CKAP5: variants seen among roughly 807,000 people sequenced by gnomAD.
CKAP5 encodes cytoskeleton-associated protein 5.
CKAP5 carries 27 observed loss-of-function variants against 232.8 expected under a neutral mutation model. The ratio of observed to expected loss-of-function variants is 0.12; its 90% confidence interval spans 0.09 to 0.16. The LOEUF (loss-of-function observed/expected upper bound fraction) is 0.16. Ranked by LOEUF, CKAP5 falls within the 10% of genes least tolerant of loss-of-function variation. CKAP5 has a pLI of 1.00. For missense variants in CKAP5, 1,838 were observed against 2,424.7 expected (o/e 0.76, Z 5.08); for synonymous variants, 785 against 841.1 (o/e 0.93, Z 1.16).
rs867352872 is a variant in CKAP5, at chr11:46,758,728, A to T, written c.4689+195T>A. ...TCTCAAAAGAGGAAAAAAAAAAAAAAAAATAAGGCTCTATTAGAGTCACAT... is the reference window on the plus strand; with the variant it reads ...TCTCAAAAGAGGAAAAAAAAAAAAATAAATAAGGCTCTATTAGAGTCACAT... On this transcript the variant is annotated intron_variant, in intron 35 of 43. Coordinates refer to ENST00000529230, the MANE Select transcript of CKAP5 (RefSeq NM_001008938.4). 793 of 521,690 alleles carry T rather than the reference A, an allele frequency of 1.5e-3. 8 individuals are homozygous for T. The highest frequency in any genetic ancestry group is 0.013 in the African/African-American group (669 of 50,194). The allele number at this position is 521,690 out of a possible 1,614,324, so 32.3% of individuals were successfully genotyped here.
intron 2 of CKAP5, among the ~76,000 whole-genome samples, chr11:46,819,926 A>G (rs1173496923): frequency 1.3e-5 from 2 of 152,122 alleles, no homozygotes; most frequent in Non-Finnish European, 2.9e-5. Context: ...TATAAAGTAG[A>G]ATGAGTGTTC....
At chr11:46,758,067 A>T (rs150801401) in intron 35 of CKAP5, among the ~76,000 whole-genome samples, 1 of 152,100 alleles carries the variant, frequency 6.6e-6, no homozygotes, top group African/African-American at 2.4e-5. Flanking sequence ...CTTCTCTTTT[A>T]AAAAATTTCT....
At chr11:46,801,120 G>A (rs974014280) in intron 9 of CKAP5, 80 bp downstream of exon 9, 1 of 953,772 alleles carries the variant, frequency 1.0e-6, no homozygotes. Flanking sequence ...CCAAGGAGTT[G>A]TTTTAAAGCA....
chr11:46,804,785 T>C (rs145997362), intron 8 of CKAP5, among the ~76,000 whole-genome samples: 2 of 151,818 alleles, frequency 1.3e-5, no homozygotes, highest in Admixed American at 6.6e-5. Context: ...TAATACCACA[T>C]AGAAGTCTAA....
At chr11:46,772,018 A>G (rs915805361) in intron 24 of CKAP5, among the ~76,000 whole-genome samples, 3 of 141,820 alleles carry the variant, frequency 2.1e-5, no homozygotes, top group African/African-American at 7.6e-5. Flanking sequence ...CCTGGTTGCT[A>G]ATAACACTGA....
chr11:46,822,454 G>T (rs994189123), intron 1 of CKAP5, among the ~76,000 whole-genome samples: 4 of 152,022 alleles, frequency 2.6e-5, no homozygotes, highest in Non-Finnish European at 5.9e-5. Flanking sequence ...ATTACTTATA[G>T]AAAATAATCA....
At chr11:46,799,481 A>G (rs1251655373) in intron 9 of CKAP5, among the ~76,000 whole-genome samples, 1 of 152,238 alleles carries the variant, frequency 6.6e-6, no homozygotes, top group Non-Finnish European at 1.5e-5. Flanking sequence ...ATTCACTTTT[A>G]TAAATATTGC....
At chr11:46,757,730 G>T (rs2065121449) in intron 35 of CKAP5, among the ~76,000 whole-genome samples, 1 of 151,588 alleles carries the variant, frequency 6.6e-6, no homozygotes, top group African/African-American at 2.4e-5. Flanking sequence ...TGGGACTATA[G>T]GCGTGCGCCA....
At chr11:46,837,429 T>G (rs927764319) in intron 1 of CKAP5, among the ~76,000 whole-genome samples, 1 of 152,208 alleles carries the variant, frequency 6.6e-6, no homozygotes, top group Non-Finnish European at 1.5e-5. Context: ...TCTATATACA[T>G]GGGGTTAGCA....
At position 46,780,441 on chromosome 11, in the gene CKAP5, G is replaced by T. The variant is rs2065332694; in HGVS notation, c.2294C>A (p.Ala765Asp). The change falls in exon 19 of 44, where the codon GCT becomes GAT. Residue 765 changes from alanine to aspartate, a missense_variant. This residue lies in a region of CKAP5 where 767 missense variants were observed against 954.6 expected (regional missense o/e 0.80). Coordinates refer to ENST00000529230, the MANE Select transcript of CKAP5 (RefSeq NM_001008938.4). ...TTATGTACTCACTGGGTTTGTTGCA[G>T]CAAGAGCTGTCTTCACATTGCTAAT... ...AFISNVKTAL[A>D]ATNPAVRTAA... The T allele has an allele frequency of 2.5e-6, 4 of 1,613,896 alleles. No homozygotes were observed. The highest frequency in any genetic ancestry group is 3.4e-6 in the Non-Finnish European group (4 of 1,179,864).
chr11:46,782,434 A>G (rs375814090), intron 18 of CKAP5, among the ~76,000 whole-genome samples: 15 of 152,338 alleles, frequency 9.8e-5, no homozygotes, highest in African/African-American at 3.6e-4. Flanking sequence ...ACCCTCAACT[A>G]TGGGCGAACA....
Position 46,788,852 on chromosome 11 carries a change from A to G in CKAP5, c.1876-79T>C, listed in dbSNP as rs1050960035. ...GAAGAGTAAATACCAAAGTCAAGTAAGTGGTTACCTCTGAAGAAAGGAGTG... is the reference window on the plus strand; with the variant it reads ...GAAGAGTAAATACCAAAGTCAAGTAGGTGGTTACCTCTGAAGAAAGGAGTG... On this transcript the variant is annotated intron_variant, in intron 15 of 43. Transcript: ENST00000529230. 3 of 981,838 alleles carry G rather than the reference A, an allele frequency of 3.1e-6. No individual in the cohort carries two copies. In the African/African-American group the frequency reaches 4.9e-5, roughly 16 times the overall value. The allele number at this position is 981,838 out of a possible 1,614,324, so 60.8% of individuals were successfully genotyped here.
rs150165880 is a variant in CKAP5 at position 46,762,287 on chromosome 11, G to A, written c.4028-94C>T. On this transcript the variant is annotated intron_variant, in intron 31 of 43. Coordinates refer to ENST00000529230, the MANE Select transcript of CKAP5 (RefSeq NM_001008938.4). ...GAAATTTCCCTTGGCATATATGAAG[G>A]ACTAAAACCTTACTCTGGCTCTGCC... is the stretch of plus-strand genomic sequence containing the variant. 2,150 of 1,241,090 alleles carry A rather than the reference G, an allele frequency of 1.7e-3. 18 individuals are homozygous for A. Among genetic ancestry groups the A allele is most frequent in the South Asian group, 0.011 (833 of 77,870 alleles). The allele number at this position is 1,241,090 out of a possible 1,614,324, so 76.9% of individuals were successfully genotyped here.
At chr11:46,801,391 C>T (rs1592467602) in intron 8 of CKAP5, 87 bp from the exon 9 acceptor site, 21 of 987,986 alleles carry the variant, frequency 2.1e-5, no homozygotes, top group East Asian at 2.8e-5. Context: ...ACTCTGAGGC[C>T]GGGTGCAGCG....
Position 46,750,382 on chromosome 11 carries a change from C to T in CKAP5, c.5596G>A (p.Glu1866Lys). ...TGTGAGGAATTTTTCAGAAATGGTT[C>T]AATGTCAGCATCTGAGTATTTCTTC... ...YKKKYSDADI[E>K]PFLKNSSQFF... Residue 1866 changes from glutamate (E) to lysine (K), a missense_variant, in exon 42 of 44, where the codon GAA becomes AAA. Physicochemically the swap from Glu to Lys is moderately conservative, Grantham distance 56 (BLOSUM62 1). This residue lies in a region of CKAP5 where 579 missense variants were observed against 843.2 expected (regional missense o/e 0.69). Coordinates refer to ENST00000529230, the MANE Select transcript of CKAP5 (RefSeq NM_001008938.4). The T allele has an allele frequency of 1.2e-6, 2 of 1,614,102 alleles. No homozygotes were observed. Among genetic ancestry groups the T allele is most frequent in the Non-Finnish European group, 1.7e-6 (2 of 1,179,988 alleles).
chr11:46,778,683 C>T (rs971666404), intron 20 of CKAP5, 84 bp from the exon 21 acceptor site: 14 of 1,143,380 alleles, frequency 1.2e-5, no homozygotes, highest in Non-Finnish European at 1.7e-5. Context: ...CTGTGTCAAA[C>T]TCTCATTCCT....
rs1939253574 is a variant in CKAP5 at position 46,810,628 on chromosome 11, A to C, written c.630+379T>G. Among the ~76,000 whole-genome samples, 4 of 152,242 alleles carry C rather than the reference A, an allele frequency of 2.6e-5. No homozygotes were observed. In the South Asian group the frequency reaches 8.3e-4, roughly 32 times the overall value. On this transcript the variant is annotated intron_variant, in intron 5 of 43. Coordinates refer to ENST00000529230, the MANE Select transcript of CKAP5 (RefSeq NM_001008938.4). ...ACCAGCGGAAGAAAATATATAATTA[A>C]ATTTTATTTCTTTTACAGCATAAGT...
chr11:46,809,845 T>C lies in CKAP5; in HGVS notation c.660A>G (p.Lys220=). Residue 220 remains lysine (K), a synonymous_variant, in exon 6 of 44, where the codon AAA becomes AAG. Coordinates refer to ENST00000529230, the MANE Select transcript of CKAP5 (RefSeq NM_001008938.4). ...TAGGTCTAGGAGCACTTGTTGGCAG[T>C]TTGACCCATTCTTCTTCTAGTTCTT... ...QLKELEEEWV[K]LPTSAPRPTR... is the part of the protein sequence containing the mutation. The C allele has an allele frequency of 6.2e-7, 1 of 1,611,426 alleles. No homozygotes were observed. Among genetic ancestry groups the C allele is most frequent in the Non-Finnish European group, 8.5e-7 (1 of 1,179,382 alleles).
Position 46,744,529 on chromosome 11 carries a change from G to A in CKAP5, c.5753C>T (p.Thr1918Ile). The change falls in exon 43 of 44, where the codon ACA becomes ATA. Residue 1918 changes from threonine to isoleucine, a missense_variant. Physicochemically the swap from Thr to Ile is moderately conservative, Grantham distance 89. This residue lies in a region of CKAP5 where 579 missense variants were observed against 843.2 expected (regional missense o/e 0.69). Coordinates refer to ENST00000529230, the MANE Select transcript of CKAP5 (RefSeq NM_001008938.4). ...ATTTGTGTTACCTATGGAGGACACT[G>A]TGCTTGTGGGCGTGGGCACACATGT... ...EVTCVPTPTSTVSSIGNTNGE... is the reference protein window; with the variant it reads ...EVTCVPTPTSIVSSIGNTNGE... 6.2e-7 allele frequency: 1 copy of A among 1,614,158 alleles called. No homozygotes were observed. Among genetic ancestry groups the A allele is most frequent in the Non-Finnish European group, 8.5e-7 (1 of 1,180,000 alleles).
Sources: allele counts gnomAD v4.1 joint callset (sites outside exome capture counted in the v4.1 genomes callset), GRCh38; gene constraint gnomAD v4.1.1; regional missense constraint gnomAD v4.1.1; transcripts MANE v1.5; gene names NCBI Gene and HGNC (gene_info 2026-07-23, HGNC 2026-07-21).